GLI3: variants seen among roughly 807,000 people sequenced by gnomAD.
GLI3 encodes GLI family zinc finger 3.
Under a neutral mutation model 100.8 loss-of-function variants are expected in GLI3, and 20 were observed. The ratio of observed to expected loss-of-function variants is 0.20; its 90% CI spans 0.14 to 0.29. The LOEUF is 0.29. Ranked by LOEUF, GLI3 falls within the 10% of genes least tolerant of loss-of-function variation. The probability of loss-of-function intolerance (pLI) is 1.00; values close to 1 mark genes in which losing one functional copy is unlikely to be tolerated. For missense variants in GLI3, 2,040 were observed against 2,128.5 expected, an observed-to-expected ratio of 0.96 and a Z score of 0.82; for synonymous variants, 938 against 860.5, an observed-to-expected ratio of 1.09 and a Z score of -1.58.
At chr7:42,040,287 T>C (rs1242466366) in intron 6 of GLI3, 48 bp from the exon 7 acceptor site, 1 of 1,335,140 alleles carries the variant, frequency 7.5e-7, no homozygotes, top group Non-Finnish European at 1.1e-6. Context: ...TTGGACTCTA[T>C]ACCAGCTATT....
At chr7:42,011,743 T>A (rs1314345126) in intron 10 of GLI3, among the ~76,000 whole-genome samples, 1 of 152,092 alleles carries the variant, frequency 6.6e-6, no homozygotes, top group African/African-American at 2.4e-5. Flanking sequence ...GGTTGGTGGT[T>A]TTCAGGGGCT....
intron 10 of GLI3, among the ~76,000 whole-genome samples, chr7:42,016,263 A>G (rs1788758666): frequency 6.6e-6 from 1 of 152,188 alleles, no homozygotes; most frequent in Non-Finnish European, 1.5e-5. Flanking sequence ...AAGCACAAGG[A>G]AGAACCTGCA....
At chr7:42,229,773 AT>A (rs142246595) in intron 1 of GLI3, among the ~76,000 whole-genome samples, 27 of 151,716 alleles carry the variant, frequency 1.8e-4, no homozygotes, top group African/African-American at 4.1e-4. Flanking sequence ...TAGAAAGAGA[AT>A]TTTTTTTTCA....
At chr7:42,196,171 GA>G (rs1787924582) in intron 2 of GLI3, among the ~76,000 whole-genome samples, 1 of 152,164 alleles carries the variant, frequency 6.6e-6, no homozygotes, top group African/African-American at 2.4e-5. Context: ...CATGATTAAA[GA>G]CATTTTCATG....
At chr7:42,201,083 A>G (rs1204003990) in intron 2 of GLI3, among the ~76,000 whole-genome samples, 2 of 152,296 alleles carry the variant, frequency 1.3e-5, no homozygotes, top group East Asian at 3.9e-4. Context: ...TTTTCTTATA[A>G]ATATATACTT....
intron 4 of GLI3, among the ~76,000 whole-genome samples, chr7:42,074,977 C>T (rs1784850117): frequency 6.6e-6 from 1 of 152,108 alleles, no homozygotes. Flanking sequence ...AAATGTGACT[C>T]CCCCGACTCT....
intron 3 of GLI3, among the ~76,000 whole-genome samples, chr7:42,092,050 G>C (rs541583756): frequency 6.6e-6 from 1 of 152,354 alleles, no homozygotes; most frequent in East Asian, 1.9e-4. Context: ...GCAACAGTGC[G>C]TGGAGCTCAC....
chr7:42,092,020 C>G (rs1285332580), intron 3 of GLI3, among the ~76,000 whole-genome samples: 2 of 152,250 alleles, frequency 1.3e-5, no homozygotes, highest in Non-Finnish European at 2.9e-5. Context: ...GCCTGGGAAG[C>G]AGGGCCAGTG....
At chr7:42,226,228 G>A (rs1788579076) in intron 1 of GLI3, among the ~76,000 whole-genome samples, 1 of 152,146 alleles carries the variant, frequency 6.6e-6, no homozygotes, top group South Asian at 2.1e-4. Context: ...CGTTAAAACT[G>A]CACACTGAAA....
intron 12 of GLI3, among the ~76,000 whole-genome samples, chr7:41,976,701 T>C (rs1787522960): frequency 6.6e-6 from 1 of 152,202 alleles, no homozygotes; most frequent in Non-Finnish European, 1.5e-5. Flanking sequence ...GTTAACAAAT[T>C]CTGGTTAGCT....
rs183552362 is a variant in GLI3 at position 42,115,067 on chromosome 7, G to A, written c.367+33159C>T. Among the ~76,000 whole-genome samples, 8 of 150,658 alleles carry A rather than the reference G, an allele frequency of 5.3e-5. No individual in the cohort carries two copies. In the East Asian group the frequency reaches 1.2e-3, roughly 22 times the overall value. On this transcript the variant is annotated intron_variant, in intron 3 of 14. Coordinates refer to ENST00000395925, the MANE Select transcript of GLI3 (RefSeq NM_000168.6). ...GTGAAGAAATAAGAAGAGAGAAAAGGGAAAAAAAGGGTAGGAGACAAAAAT... is the reference window on the plus strand; with the variant it reads ...GTGAAGAAATAAGAAGAGAGAAAAGAGAAAAAAAGGGTAGGAGACAAAAAT...
At chr7:42,028,720 C>T (rs371487136) in intron 7 of GLI3, among the ~76,000 whole-genome samples, 3 of 151,548 alleles carry the variant, frequency 2.0e-5, no homozygotes, top group Admixed American at 1.3e-4. Flanking sequence ...GCCAAGATCG[C>T]GCCACTGCAC....
intron 7 of GLI3, 62 bp from the exon 8 acceptor site, chr7:42,026,474 A>G (rs1789117554): frequency 2.5e-6 from 3 of 1,195,612 alleles, no homozygotes; most frequent in South Asian, 2.5e-5. Flanking sequence ...ACAAGTACAC[A>G]AGATCTGCAG....
intron 2 of GLI3, among the ~76,000 whole-genome samples, chr7:42,175,163 CA>C (rs1000139938): frequency 2.0e-5 from 3 of 152,174 alleles, no homozygotes; most frequent in African/African-American, 7.2e-5. Context: ...CTGTGATCAA[CA>C]AAGTGATAAA....
At chr7:42,107,308 C>T (rs1001142405) in intron 3 of GLI3, among the ~76,000 whole-genome samples, 2 of 152,006 alleles carry the variant, frequency 1.3e-5, no homozygotes, top group East Asian at 1.9e-4. Flanking sequence ...CCAGCCTGGG[C>T]GACAGTGACC....
chr7:41,988,793 G>T (rs944516050), intron 10 of GLI3, among the ~76,000 whole-genome samples: 1 of 152,122 alleles, frequency 6.6e-6, no homozygotes, highest in Non-Finnish European at 1.5e-5. Flanking sequence ...AACTATAAAA[G>T]TGCTCCTTCT....
intron 1 of GLI3, among the ~76,000 whole-genome samples, chr7:42,243,400 A>C (rs1183403462): frequency 6.6e-6 from 1 of 152,228 alleles, no homozygotes; most frequent in East Asian, 1.9e-4. Context: ...TGTAGCATAC[A>C]GTTCTGCTTT....
At chr7:42,006,395 C>T (rs772431247) in intron 10 of GLI3, among the ~76,000 whole-genome samples, 26 of 152,164 alleles carry the variant, frequency 1.7e-4, no homozygotes, top group Non-Finnish European at 3.2e-4. Context: ...TGTCCCTGGG[C>T]CACCACGTGC....
intron 3 of GLI3, among the ~76,000 whole-genome samples, chr7:42,135,332 T>C (rs1351924112): frequency 1.3e-5 from 2 of 152,220 alleles, no homozygotes. Context: ...TCTCAGAGTA[T>C]TATAGTCACT....
Sources: allele counts gnomAD v4.1 joint callset (sites outside exome capture counted in the v4.1 genomes callset), GRCh38; gene constraint gnomAD v4.1.1; transcripts MANE v1.5; gene names NCBI Gene and HGNC (gene_info 2026-07-23, HGNC 2026-07-21).